Variants in INPP5A observed in about 807,000 individuals in gnomAD.
The protein encoded by INPP5A is 43 kDa inositol polyphosphate 5-phophatase.
INPP5A carries 14 observed loss-of-function variants against 65.2 expected under a neutral mutation model. The ratio of observed to expected loss-of-function variants is 0.21; its 90% CI spans 0.14 to 0.34. The LOEUF is 0.34. Ranked by LOEUF, INPP5A falls within the 10% of genes least tolerant of loss-of-function variation. The pLI is 1.00. For synonymous variants in INPP5A, 207 were observed against 208.3 expected (o/e 0.99, Z 0.05); for missense variants, 431 against 545.6 (o/e 0.79, Z 2.09).
intron 4 of INPP5A, among the ~76,000 whole-genome samples, chr10:132,652,183 T>G (rs1564949969): frequency 6.6e-6 from 1 of 152,238 alleles, no homozygotes; most frequent in African/African-American, 2.4e-5. Flanking sequence ...AGTAGGGGCT[T>G]ATTCAGATGA....
chr10:132,712,341 G>A (rs187253243), intron 8 of INPP5A, among the ~76,000 whole-genome samples: 22 of 152,074 alleles, frequency 1.4e-4, no homozygotes, highest in East Asian at 7.7e-4. Context: ...GTGGGTGTGC[G>A]CACATCTGCG....
intron 1 of INPP5A, among the ~76,000 whole-genome samples, chr10:132,598,344 C>T (rs549976918): frequency 6.6e-6 from 1 of 152,304 alleles, no homozygotes; most frequent in African/African-American, 2.4e-5. Context: ...TCATCCATCT[C>T]CAGATCTCTT....
intron 1 of INPP5A, among the ~76,000 whole-genome samples, chr10:132,566,534 G>A (rs897702239): frequency 7.2e-5 from 11 of 152,216 alleles, no homozygotes; most frequent in Admixed American, 2.6e-4. Context: ...TACTAGAAAC[G>A]TAAGGATAAG....
At chr10:132,580,977 ATTG>A (rs2071476120) in intron 1 of INPP5A, among the ~76,000 whole-genome samples, 1 of 152,244 alleles carries the variant, frequency 6.6e-6, no homozygotes, top group East Asian at 1.9e-4. Context: ...TTTAACCAAA[ATTG>A]TTATCAAAAC....
intron 9 of INPP5A, among the ~76,000 whole-genome samples, chr10:132,747,895 G>C (rs973849986): frequency 6.6e-6 from 1 of 152,082 alleles, no homozygotes; most frequent in African/African-American, 2.4e-5. Flanking sequence ...CAAAAATTTA[G>C]AAAATTAGCT....
chr10:132,662,542 C>G (rs1305533020), intron 4 of INPP5A, among the ~76,000 whole-genome samples: 1 of 152,180 alleles, frequency 6.6e-6, no homozygotes, highest in African/African-American at 2.4e-5. Flanking sequence ...CTTAAAAATG[C>G]AAACAAGTCT....
chr10:132,628,205 T>G (rs1192167311), intron 2 of INPP5A, among the ~76,000 whole-genome samples: 3 of 152,192 alleles, frequency 2.0e-5, no homozygotes, highest in Non-Finnish European at 4.4e-5. Flanking sequence ...ACCAGCTCAG[T>G]AAGGGCCGGC....
intron 1 of INPP5A, among the ~76,000 whole-genome samples, chr10:132,565,767 A>G (rs1056212744): frequency 3.5e-4 from 52 of 148,342 alleles, no homozygotes; most frequent in Non-Finnish European, 6.0e-5. Context: ...GTCTCCGTGC[A>G]TGTGTGTATG....
chr10:132,714,046 C>T (rs551970762), intron 8 of INPP5A, among the ~76,000 whole-genome samples: 2 of 152,308 alleles, frequency 1.3e-5, no homozygotes, highest in East Asian at 1.9e-4. Flanking sequence ...GGACCTCCCA[C>T]GGAGCCCAGG....
chr10:132,554,462 C>T (rs185884917), intron 1 of INPP5A, among the ~76,000 whole-genome samples: 7 of 152,142 alleles, frequency 4.6e-5, no homozygotes, highest in African/African-American at 1.7e-4. Flanking sequence ...AAGGAAGGGG[C>T]AGCTGTTCAG....
intron 11 of INPP5A, among the ~76,000 whole-genome samples, chr10:132,752,786 TTC>T (rs1224709503): frequency 6.6e-5 from 10 of 152,224 alleles, no homozygotes; most frequent in Admixed American, 6.5e-4. Flanking sequence ...AGTCCTCCTT[TTC>T]TCTCAGCATT....
intron 1 of INPP5A, among the ~76,000 whole-genome samples, chr10:132,596,287 G>A (rs906415205): frequency 6.6e-6 from 1 of 152,160 alleles, no homozygotes; most frequent in African/African-American, 2.4e-5. Context: ...CAGGATGAAT[G>A]GCCCTCAATT....
rs112194157 is a variant in INPP5A at position 132,703,591 on chromosome 10, A to G, written c.475-4722A>G. 4.7e-3 allele frequency among the ~76,000 whole-genome samples: 654 copies of G among 138,584 alleles called. 5 individuals carry two copies. Among genetic ancestry groups the G allele is most frequent in the African/African-American group, 0.017 (626 of 36,118 alleles). 90.9% of individuals were successfully genotyped at this position (138,584 alleles called of 152,430 possible). A position where few individuals can be genotyped will look rare whatever the true frequency, so the allele number is the denominator to read the frequency against. The stretch of plus-strand genomic sequence containing the variant: ...CACGTGGCTTCACCCCTGCACACAC[A>G]TGGCTTCACACACACACGCACAGCT... On this transcript the variant is annotated intron_variant, in intron 6 of 15. Transcript: ENST00000368594.
In INPP5A at chr10:132,698,008, C is replaced by A; in HGVS notation, c.474+89C>A. The A allele has an allele frequency of 1.2e-6, 1 of 811,620 alleles. No individual in the cohort carries two copies. The highest frequency in any genetic ancestry group is 2.1e-6 in the Non-Finnish European group (1 of 473,458). The allele number at this position is 811,620 out of a possible 1,614,324, so 50.3% of individuals were successfully genotyped here. ...TGGAACACGGAATTTTCGCATTGCACTGTTACTAGTCACAGCTGCCTGTTG... is the reference window on the plus strand; with the variant it reads ...TGGAACACGGAATTTTCGCATTGCAATGTTACTAGTCACAGCTGCCTGTTG... On this transcript the variant is annotated intron_variant, in intron 6 of 15. Coordinates refer to ENST00000368594, the MANE Select transcript of INPP5A (RefSeq NM_005539.5). The surrounding 1 kb of genome is among the most constrained non-coding windows in gnomAD (Gnocchi z 5.5).
chr10:132,780,802 A>C (rs754951120), intron 13 of INPP5A, 47 bp from the exon 14 acceptor site: 5 of 1,507,228 alleles, frequency 3.3e-6, no homozygotes, highest in Non-Finnish European at 4.6e-6. Flanking sequence ...AACTGGACCC[A>C]GGGTGCCCCA....
intron 4 of INPP5A, among the ~76,000 whole-genome samples, chr10:132,689,036 AAT>A (rs894217260): frequency 2.4e-5 from 3 of 124,652 alleles, no homozygotes; most frequent in Non-Finnish European, 1.8e-5. Context: ...TATATGTGTT[AAT>A]GTTTGCAAGC....
At chr10:132,750,320 G>C (rs899869183) in intron 11 of INPP5A, among the ~76,000 whole-genome samples, 2 of 152,250 alleles carry the variant, frequency 1.3e-5, no homozygotes, top group African/African-American at 4.8e-5. Context: ...ACGTGAGTGC[G>C]TATCTGCCTC....
chr10:132,731,243 G>A (rs1029384209), intron 9 of INPP5A, among the ~76,000 whole-genome samples: 11 of 151,772 alleles, frequency 7.2e-5, no homozygotes, highest in South Asian at 2.1e-4. Context: ...CACCCCTCCC[G>A]CATATCAGGC....
chr10:132,764,536 G>C (rs1846797566), intron 11 of INPP5A, among the ~76,000 whole-genome samples: 1 of 142,356 alleles, frequency 7.0e-6, no homozygotes, highest in Non-Finnish European at 1.5e-5. Flanking sequence ...GGTCGGGCCA[G>C]TCCTGCAGGG....
Sources: allele counts gnomAD v4.1 joint callset (sites outside exome capture counted in the v4.1 genomes callset), GRCh38; gene constraint gnomAD v4.1.1; non-coding constraint Gnocchi (gnomAD v3.1); transcripts MANE v1.5; gene names NCBI Gene and HGNC (gene_info 2026-07-23, HGNC 2026-07-21).